Variants in PCDHGA1 observed in about 807,000 individuals in gnomAD.
The protein encoded by PCDHGA1 is protocadherin gamma subfamily A, 1.
Under a neutral mutation model 58.0 loss-of-function variants are expected in PCDHGA1, and 32 were observed. The observed-to-expected ratio is 0.55, with a 90% CI of 0.42 to 0.74. The LOEUF is 0.74. Ranked by LOEUF, PCDHGA1 falls within the 30% of genes least tolerant of loss-of-function variation. The probability of loss-of-function intolerance (pLI) is 0.00; values close to 1 mark genes in which losing one functional copy is unlikely to be tolerated. For missense variants in PCDHGA1, 1,205 were observed against 1,182.3 expected (o/e 1.02, Z -0.28); for synonymous variants, 498 against 501.1 (o/e 0.99, Z 0.08).
intron 1 of PCDHGA1, chr5:141,379,058 G>A (rs533303980): frequency 1.3e-5 from 2 of 152,256 alleles, no homozygotes; most frequent in South Asian, 2.1e-4. Context: ...AGAATGGATT[G>A]GCCACTTGTG....
At chr5:141,447,957 A>T (rs1460497437) in intron 1 of PCDHGA1, among the ~76,000 whole-genome samples, 3 of 151,910 alleles carry the variant, frequency 2.0e-5, no homozygotes, top group African/African-American at 7.3e-5. Context: ...ATGGTGGCGG[A>T]CACCTATAAT....
chr5:141,403,030 C>T, intron 1 of PCDHGA1: 1 of 1,614,056 alleles, frequency 6.2e-7, no homozygotes, highest in Non-Finnish European at 8.5e-7. Flanking sequence ...TATGGGAGGC[C>T]AGGGCCAGTC....
chr5:141,345,569 C>G (rs749384944), intron 1 of PCDHGA1: 6 of 1,614,194 alleles, frequency 3.7e-6, no homozygotes, highest in Non-Finnish European at 5.1e-6. Context: ...CCAACACTGG[C>G]GTCCTATACG....
At chr5:141,399,466 G>A (rs1229342978) in intron 1 of PCDHGA1, 5 of 1,613,886 alleles carry the variant, frequency 3.1e-6, no homozygotes, top group East Asian at 4.5e-5. Context: ...TAACGCTCCG[G>A]TTTTCCACCA....
At chr5:141,420,432 T>C in intron 1 of PCDHGA1, 2 of 1,149,120 alleles carry the variant, frequency 1.7e-6, no homozygotes, top group Non-Finnish European at 2.3e-6. Flanking sequence ...AAAGTTTAAA[T>C]TAAATGCCTC....
intron 1 of PCDHGA1, chr5:141,352,191 A>G (rs1339193704): frequency 1.2e-6 from 2 of 1,613,698 alleles, no homozygotes; most frequent in African/African-American, 2.7e-5. Flanking sequence ...GCTGTGCGTG[A>G]TGGAGGACAG....
At chr5:141,357,790 C>T in intron 1 of PCDHGA1, 2 of 835,328 alleles carry the variant, frequency 2.4e-6, no homozygotes, top group Non-Finnish European at 3.6e-6. Flanking sequence ...CAGTATTTAC[C>T]ACACAAAAAT....
chr5:141,364,326 A>G, intron 1 of PCDHGA1: 1 of 1,528,198 alleles, frequency 6.5e-7, no homozygotes, highest in Non-Finnish European at 8.8e-7. Context: ...GGCAGAGAGA[A>G]GGCAATGGCG....
At chr5:141,418,050 G>T in intron 1 of PCDHGA1, 1 of 1,613,576 alleles carries the variant, frequency 6.2e-7, no homozygotes, top group Non-Finnish European at 8.5e-7. Context: ...GTGTCGGCTC[G>T]CGAGCTGCGA....
At chr5:141,422,473 G>A (rs2096650443) in intron 1 of PCDHGA1, 7 of 1,613,740 alleles carry the variant, frequency 4.3e-6, no homozygotes, top group Non-Finnish European at 5.1e-6. Context: ...CAGGGAGTTG[G>A]TCCAGAGCTA....
intron 1 of PCDHGA1, chr5:141,403,541 G>A (rs1332209242): frequency 6.2e-7 from 1 of 1,614,016 alleles, no homozygotes. Context: ...GCTGGTGCTG[G>A]AGCGCGCCCT....
Position 141,419,013 on chromosome 5 carries a change from G to C in PCDHGA1, c.2422-75794G>C, listed in dbSNP as rs746229802. The C allele has an allele frequency of 6.9e-5, 111 of 1,613,840 alleles. No individual in the cohort carries two copies. In the East Asian group the frequency reaches 2.4e-3, roughly 35 times the overall value. ...GGGGAAAATGGGGAAGTCAGGTGTA[G>C]CTTAAGTAGAGGTGTTCCATTTAAG... is the stretch of plus-strand genomic sequence containing the variant. On this transcript the variant is annotated intron_variant, in intron 1 of 3. Transcript: ENST00000517417.
At chr5:141,448,394 T>C (rs1360417681) in intron 1 of PCDHGA1, among the ~76,000 whole-genome samples, 1 of 152,206 alleles carries the variant, frequency 6.6e-6, no homozygotes. Context: ...TACATTTACA[T>C]GGTTTTAAAA....
At chr5:141,497,018 A>G (rs988584487) in intron 2 of PCDHGA1, among the ~76,000 whole-genome samples, 1 of 152,084 alleles carries the variant, frequency 6.6e-6, no homozygotes, top group Non-Finnish European at 1.5e-5. Flanking sequence ...GTGAAACCCC[A>G]TCTCGATTAA....
chr5:141,339,365 C>T, intron 1 of PCDHGA1: 1 of 1,614,186 alleles, frequency 6.2e-7, no homozygotes, highest in Non-Finnish European at 8.5e-7. Flanking sequence ...TAATGCCCCT[C>T]GCTTTGGAGT....
At chr5:141,345,671 G>A (rs369544604) in intron 1 of PCDHGA1, 7 of 1,614,166 alleles carry the variant, frequency 4.3e-6, no homozygotes, top group Non-Finnish European at 5.9e-6. Flanking sequence ...GCAGCAACGT[G>A]TCGCTGAACC....
chr5:141,375,601 CAT>C, intron 1 of PCDHGA1: 4 of 1,614,206 alleles, frequency 2.5e-6, no homozygotes, highest in Non-Finnish European at 3.4e-6. Context: ...CCTACGTGTC[CAT>C]CAACTCCGAC....
At chr5:141,403,577 C>T (rs1188693688) in intron 1 of PCDHGA1, 2 of 1,613,812 alleles carry the variant, frequency 1.2e-6, no homozygotes, top group South Asian at 1.1e-5. Context: ...AACTGCCCAC[C>T]ACCTGGTCCT....
chr5:141,473,148 C>T (rs1381616255), intron 1 of PCDHGA1, among the ~76,000 whole-genome samples: 1 of 152,184 alleles, frequency 6.6e-6, no homozygotes, highest in Non-Finnish European at 1.5e-5. Flanking sequence ...CTCTTCAGAT[C>T]ACTAGGGCTA....
Sources: allele counts gnomAD v4.1 joint callset (sites outside exome capture counted in the v4.1 genomes callset), GRCh38; gene constraint gnomAD v4.1.1; transcripts MANE v1.5; gene names NCBI Gene and HGNC (gene_info 2026-07-23, HGNC 2026-07-21).